Variants in TREH observed in about 807,000 individuals in gnomAD.
The protein encoded by TREH is alpha,alpha-trehalose glucohydrolase.
TREH carries 69 observed loss-of-function variants against 80.5 expected under a neutral mutation model. The observed-to-expected ratio is 0.86, with a 90% CI of 0.71 to 1.05. TREH has a LOEUF of 1.05. TREH is among the 50% of genes least tolerant of loss of function. TREH has a pLI of 0.00. For synonymous variants in TREH, 309 were observed against 293.5 expected (o/e 1.05, Z -0.54); for missense variants, 716 against 718.8 (o/e 1.00, Z 0.04).
At chr11:118,670,173 C>T (rs1555146099) in intron 1 of TREH, among the ~76,000 whole-genome samples, 2 of 152,180 alleles carry the variant, frequency 1.3e-5, no homozygotes, top group Admixed American at 1.3e-4. Context: ...GGCTCAAAGC[C>T]CCACCTCTCC....
rs1565530989 is a variant in TREH at position 118,674,458 on chromosome 11, A to G, written c.89+5081T>C. On this transcript the variant is annotated intron_variant, in intron 1 of 14. Transcript: ENST00000264029. The surrounding 1 kb of genome is among the most constrained non-coding windows in gnomAD (Gnocchi z 4.4). ...TGGAAATATTTCCTGGTCAGATACA[A>G]TATCCATCCCTGTAATACATTCAGG... Among the ~76,000 whole-genome samples, 1 of 152,350 alleles carries G rather than the reference A, an allele frequency of 6.6e-6. No homozygotes were observed. The highest frequency in any genetic ancestry group is 1.5e-5 in the Non-Finnish European group (1 of 68,030).
chr11:118,666,238 A>G (rs991437648), intron 1 of TREH, among the ~76,000 whole-genome samples: 21 of 152,304 alleles, frequency 1.4e-4, no homozygotes, highest in Non-Finnish European at 3.1e-4. Context: ...ATCTCAAAAA[A>G]AAAAAATAAA....
At chr11:118,678,082 G>C (rs1210248022) in intron 1 of TREH, among the ~76,000 whole-genome samples, 1 of 151,988 alleles carries the variant, frequency 6.6e-6, no homozygotes, top group African/African-American at 2.4e-5. Context: ...CTGGAGCCCC[G>C]CTCTCCCCGG....
chr11:118,668,703 G>T (rs1168251020), intron 1 of TREH, among the ~76,000 whole-genome samples: 3 of 152,078 alleles, frequency 2.0e-5, no homozygotes, highest in Non-Finnish European at 4.4e-5. Context: ...ACTTTGGGAG[G>T]CCAAGGCAGG....
chr11:118,659,222 A>G, intron 12 of TREH, 148 bp downstream of exon 12: 1 of 823,672 alleles, frequency 1.2e-6, no homozygotes. Context: ...GGGTGGACAT[A>G]AGTGTCAAGT....
chr11:118,673,652 G>A (rs1591836994), intron 1 of TREH, among the ~76,000 whole-genome samples: 1 of 152,274 alleles, frequency 6.6e-6, no homozygotes, highest in African/African-American at 2.4e-5. Context: ...CCTTCTGATG[G>A]ACATCAACAT....
chr11:118,666,483 T>C (rs1949379023), intron 1 of TREH, among the ~76,000 whole-genome samples: 2 of 152,330 alleles, frequency 1.3e-5, no homozygotes, highest in South Asian at 4.1e-4. Context: ...CCTGCAAACC[T>C]GAGTGGCACT....
Position 118,671,510 on chromosome 11 carries a change from AAAAC to A in TREH, c.89+8025_89+8028del, listed in dbSNP as rs551134989. 4.1e-3 allele frequency among the ~76,000 whole-genome samples: 621 copies of A among 152,288 alleles called. 2 individuals are homozygous for A. The highest frequency in any genetic ancestry group is 0.017 in the Middle Eastern group (5 of 294). On this transcript the variant is annotated intron_variant, in intron 1 of 14. Transcript: ENST00000264029. ...ACAATCAGGAGACAAGAGAAAATAA[AAAAC>A]AAAGAAGCATGCCTACAGGATCTAG... is the stretch of plus-strand genomic sequence containing the variant.
rs782373744 is a variant in TREH at position 118,659,019 on chromosome 11, T to C, written c.1433-2A>G. 3 of 1,613,508 alleles carry C rather than the reference T, an allele frequency of 1.9e-6. No individual in the cohort carries two copies. The highest frequency in any genetic ancestry group is 3.3e-5 in the Admixed American group (2 of 60,014). On this transcript the variant is annotated splice_acceptor_variant, in intron 12 of 14. Coordinates refer to ENST00000264029, the MANE Select transcript of TREH (RefSeq NM_007180.3). LOFTEE classifies it high-confidence loss of function. Reference sequence around the variant, plus strand: ...GACGTAAAGGTGCCTTGGCCAGGCCTAGACCCCATTGCAGGCAGGACTCAA... The same window carrying C: ...GACGTAAAGGTGCCTTGGCCAGGCCCAGACCCCATTGCAGGCAGGACTCAA...
Position 118,663,389 on chromosome 11 carries a change from A to G in TREH, c.140T>C (p.Leu47Pro). 1 of 1,597,984 alleles carries G rather than the reference A, an allele frequency of 6.3e-7. No homozygotes were observed. Among genetic ancestry groups the G allele is most frequent in the Non-Finnish European group, 8.5e-7 (1 of 1,172,284 alleles). The change falls in exon 2 of 15, where the codon CTC (leucine) becomes CCC (proline). Residue 47 changes from leucine to proline, a missense_variant. Transcript: ENST00000264029. ...CACAAACTGCTTGTCATCCTGGTAG[A>G]GCTTGGCCATTTGAACTTGGTTTAG... ...ELLNQVQMAKLYQDDKQFVDM... is the reference protein window; with the variant it reads ...ELLNQVQMAKPYQDDKQFVDM...
At position 118,661,933 on chromosome 11, in the gene TREH, G is replaced by T; in HGVS notation, c.481C>A (p.Pro161Thr). The change falls in exon 5 of 15, where the codon CCC (proline) becomes ACC (threonine). Residue 161 changes from proline to threonine, a missense_variant. Physicochemically the swap from Pro to Thr is conservative, Grantham distance 38. Coordinates refer to ENST00000264029, the MANE Select transcript of TREH (RefSeq NM_007180.3). The surrounding 1 kb of genome is among the most constrained non-coding windows in gnomAD (Gnocchi z 4.2). ...ERFSLIYSEH[P>T]FIVPGGRFVE... Reference sequence around the variant, plus strand: ...AAGCGACCGCCAGGCACAATGAAGGGATGTTCTGAGTAGATGAGAGAGAAC... The same window carrying T: ...AAGCGACCGCCAGGCACAATGAAGGTATGTTCTGAGTAGATGAGAGAGAAC... 1 of 1,555,962 alleles carries T rather than the reference G, an allele frequency of 6.4e-7. No homozygotes were observed. The highest frequency in any genetic ancestry group is 8.7e-7 in the Non-Finnish European group (1 of 1,149,550).
chr11:118,663,280 C>A (rs1949345597), intron 2 of TREH, 59 bp downstream of exon 2: 2 of 1,562,816 alleles, frequency 1.3e-6, no homozygotes, highest in African/African-American at 1.4e-5. Context: ...TGGTCTTGCC[C>A]CCTGCCTTCT....
In TREH at chr11:118,663,401, T is replaced by C; in HGVS notation, c.128A>G (p.Gln43Arg). 1 of 1,595,946 alleles carries C rather than the reference T, an allele frequency of 6.3e-7. No individual in the cohort carries two copies. Among genetic ancestry groups the C allele is most frequent in the East Asian group, 2.3e-5 (1 of 44,336 alleles). Residue 43 changes from glutamine (Q) to arginine (R), a missense_variant, in exon 2 of 15, where the codon CAA becomes CGA. Physicochemically the swap from Gln to Arg is conservative, Grantham distance 43 (BLOSUM62 1). Coordinates refer to ENST00000264029, the MANE Select transcript of TREH (RefSeq NM_007180.3). Reference sequence around the variant, plus strand: ...GTCATCCTGGTAGAGCTTGGCCATTTGAACTTGGTTTAGGAGCTCCCCGTG... The same window carrying C: ...GTCATCCTGGTAGAGCTTGGCCATTCGAACTTGGTTTAGGAGCTCCCCGTG... The part of the protein sequence containing the change: ...YCHGELLNQV[Q>R]MAKLYQDDKQ...
At chr11:118,666,338 T>C (rs1310351842) in intron 1 of TREH, among the ~76,000 whole-genome samples, 3 of 152,168 alleles carry the variant, frequency 2.0e-5, no homozygotes, top group African/African-American at 7.2e-5. Flanking sequence ...CAATATCACA[T>C]TGGTGTCTGG....
chr11:118,679,230 A>G (rs913541989), intron 1 of TREH, among the ~76,000 whole-genome samples: 2 of 152,072 alleles, frequency 1.3e-5, no homozygotes, highest in African/African-American at 4.8e-5. Flanking sequence ...CCAGCTACTC[A>G]GGAGGCTGAG....
At chr11:118,664,431 G>A (rs1185806044) in intron 1 of TREH, among the ~76,000 whole-genome samples, 2 of 152,232 alleles carry the variant, frequency 1.3e-5, no homozygotes, top group African/African-American at 4.8e-5. Flanking sequence ...TGGCCTGGCA[G>A]ATGGGCAGTG....
Position 118,659,489 on chromosome 11 carries a change from G to T in TREH, c.1321-8C>A, listed in dbSNP as rs1555144367. ...AGTCAGGATCCGGTTGTCCTAGAAG[G>T]TCCCAGACATTCCCATGACTGTGGG... On this transcript the variant is annotated splice_region_variant and splice_polypyrimidine_tract_variant and intron_variant, in intron 11 of 14. Transcript: ENST00000264029. The T allele has an allele frequency of 1.9e-6, 3 of 1,568,034 alleles. No homozygotes were observed. Among genetic ancestry groups the T allele is most frequent in the South Asian group, 1.2e-5 (1 of 84,164 alleles).
chr11:118,664,691 G>A (rs1485939662), intron 1 of TREH, among the ~76,000 whole-genome samples: 1 of 152,192 alleles, frequency 6.6e-6, no homozygotes, highest in Non-Finnish European at 1.5e-5. Flanking sequence ...ATGGACATAC[G>A]GTGTTGCATA....
intron 13 of TREH, 21 bp downstream of exon 13, chr11:118,658,884 G>T (rs548679723): frequency 5.0e-6 from 8 of 1,613,336 alleles, no homozygotes; most frequent in Non-Finnish European, 5.9e-6. Context: ...GGGGGTGCAG[G>T]GAGGGCTTGG....
Sources: gnomAD v4.1 joint callset for allele counts (sites outside exome capture counted in the v4.1 genomes callset) on GRCh38, gnomAD v4.1.1 for gene constraint, Gnocchi (gnomAD v3.1) non-coding constraint, MANE v1.5 for transcripts, NCBI Gene and HGNC (gene_info 2026-07-23, HGNC 2026-07-21) for gene names.